Variants in PROX2 observed in about 807,000 individuals in gnomAD.
The protein encoded by PROX2 is prospero homeobox protein 2.
PROX2 carries 46 observed loss-of-function variants against 48.9 expected under a neutral mutation model. That is an observed-to-expected ratio of 0.94 (90% confidence interval 0.74 to 1.20). The LOEUF (loss-of-function observed/expected upper bound fraction) is 1.20. PROX2 is among the 50% of genes most tolerant of loss of function. The probability of loss-of-function intolerance (pLI) is 0.00; values close to 1 mark genes in which losing one functional copy is unlikely to be tolerated. For synonymous variants in PROX2, 260 were observed against 276.6 expected (o/e 0.94, Z 0.60); for missense variants, 663 against 719.4 (o/e 0.92, Z 0.90).
chr14:74,861,287 G>A, intron 3 of PROX2: 1 of 1,213,632 alleles, frequency 8.2e-7, no homozygotes, highest in African/African-American at 1.5e-5. Context: ...AGCAGCGTGA[G>A]CACAGCTAGC....
Position 74,862,594 on chromosome 14 carries a change from G to T in PROX2, c.1241C>A (p.Ser414Ter). 6.2e-7 allele frequency: 1 copy of T among 1,613,818 alleles called. No individual in the cohort carries two copies. Among genetic ancestry groups the T allele is most frequent in the Non-Finnish European group, 8.5e-7 (1 of 1,179,718 alleles). Residue 414 changes from serine (S) to a stop codon, truncating the protein, a stop_gained, in exon 3 of 6, where the codon TCG (serine) becomes TAG (stop). Transcript: ENST00000556489. LOFTEE classifies it high-confidence loss of function. ...CAGGCCTCTCTGTTCCATCTTCACC[G>T]AGGGAAGAAGGGGTAGACTTTCCAG... ...AHLESLPLLP[S>*]VKMEQRGLHA...
chr14:74,856,748 CAT>C (rs1395069662), intron 5 of PROX2, 51 bp downstream of exon 5: 4 of 1,487,504 alleles, frequency 2.7e-6, no homozygotes, highest in Admixed American at 3.6e-5. Context: ...AAACTCGAAT[CAT>C]ATAGGGAAGA....
chr14:74,855,067 T>A lies in PROX2; in HGVS notation c.*65A>T. 1 of 1,246,610 alleles carries A rather than the reference T, an allele frequency of 8.0e-7. No homozygotes were observed. The highest frequency in any genetic ancestry group is 2.9e-5 in the Admixed American group (1 of 34,018). The allele number at this position is 1,246,610 out of a possible 1,614,324, so 77.2% of individuals were successfully genotyped here. ...ATATGACTACAGCTAAATTGCCCTTTAAGACAAACCCAGGAAACCCTAGCC... is the reference window on the plus strand; with the variant it reads ...ATATGACTACAGCTAAATTGCCCTTAAAGACAAACCCAGGAAACCCTAGCC... On this transcript the variant is annotated 3_prime_UTR_variant, in exon 6 of 6. Transcript: ENST00000556489.
chr14:74,856,820 T>C lies in PROX2; in HGVS notation c.1589A>G (p.Asn530Ser). ...TCTTACCTCAAAGTCATTTCCCTTGTTGTAGTGCATATTGAGAGCTTGAAA... is the reference window on the plus strand; with the variant it reads ...TCTTACCTCAAAGTCATTTCCCTTGCTGTAGTGCATATTGAGAGCTTGAAA... ...ELFQALNMHY[N>S]KGNDFEVPDC... Residue 530 changes from asparagine to serine, a missense_variant, in exon 5 of 6, where the codon AAC becomes AGC. Coordinates refer to ENST00000556489, the MANE Select transcript of PROX2 (RefSeq NM_001243007.2). 1 of 1,613,904 alleles carries C rather than the reference T, an allele frequency of 6.2e-7. No individual in the cohort carries two copies. Among genetic ancestry groups the C allele is most frequent in the South Asian group, 1.1e-5 (1 of 91,064 alleles).
chr14:74,868,610 G>A (rs1291685472), intron 2 of PROX2, among the ~76,000 whole-genome samples: 2 of 151,446 alleles, frequency 1.3e-5, no homozygotes, highest in South Asian at 2.1e-4. Flanking sequence ...TGAGGCAGGC[G>A]GATCACGAGG....
intron 1 of PROX2, among the ~76,000 whole-genome samples, chr14:74,872,826 A>T (rs1252677559): frequency 6.6e-6 from 1 of 152,162 alleles, no homozygotes; most frequent in African/African-American, 2.4e-5. Context: ...GACAGAAATG[A>T]GGAGAGGGGG....
chr14:74,868,313 T>TATATA (rs1883117143), intron 2 of PROX2, among the ~76,000 whole-genome samples: 2 of 53,780 alleles, frequency 3.7e-5, no homozygotes, highest in Non-Finnish European at 7.5e-5. Context: ...TTTCTCGTAA[T>TATATA]TATATATATA....
chr14:74,858,538 A>G (rs1336685590), intron 3 of PROX2, 24 bp from the exon 4 acceptor site: 2 of 1,273,698 alleles, frequency 1.6e-6, no homozygotes, highest in Non-Finnish European at 2.2e-6. Context: ...AAGGAAAATG[A>G]ACACTTTAAA....
At position 74,863,587 on chromosome 14, in the gene PROX2, A is replaced by G. The variant is rs1343870298; in HGVS notation, c.248T>C (p.Val83Ala). The change falls in exon 3 of 6, where the codon GTG becomes GCG. Residue 83 changes from valine to alanine, a missense_variant. Physicochemically the swap from Val to Ala is moderately conservative, Grantham distance 64 (BLOSUM62 0). Coordinates refer to ENST00000556489, the MANE Select transcript of PROX2 (RefSeq NM_001243007.2). The stretch of plus-strand genomic sequence containing the variant: ...GACCCCAGCTTGCGCATTGCCTGGC[A>G]CCAGAGGATTCGGGGAGAGACACAT... ...RGMCLSPNPLVPGNAQAGVSP... is the reference protein window; with the variant it reads ...RGMCLSPNPLAPGNAQAGVSP... 1 of 1,611,806 alleles carries G rather than the reference A, an allele frequency of 6.2e-7. No homozygotes were observed. The highest frequency in any genetic ancestry group is 8.5e-7 in the Non-Finnish European group (1 of 1,178,900).
intron 2 of PROX2, among the ~76,000 whole-genome samples, chr14:74,870,441 TACACAC>T (rs10525556): frequency 1.8e-5 from 2 of 110,928 alleles, no homozygotes; most frequent in Non-Finnish European, 3.4e-5. Flanking sequence ...AAAAAAAAAA[TACACAC>T]ACACACACAC....
chr14:74,861,891 C>A (rs552085606), intron 3 of PROX2, among the ~76,000 whole-genome samples: 1 of 152,124 alleles, frequency 6.6e-6, no homozygotes, highest in East Asian at 1.9e-4. Context: ...TTCCTTTGAC[C>A]CTCTCCTCCT....
Position 74,871,126 on chromosome 14 carries a change from G to A in PROX2, c.-198C>T, listed in dbSNP as rs1413351423. ...ACCTGTAGTCTCAGCTACTCAGGAAGCTGAGGTGGGAAGACTGCTTGAGCC... is the reference window on the plus strand; with the variant it reads ...ACCTGTAGTCTCAGCTACTCAGGAAACTGAGGTGGGAAGACTGCTTGAGCC... On this transcript the variant is annotated 5_prime_UTR_variant, in exon 2 of 6. Transcript: ENST00000556489. The A allele has an allele frequency of 6.6e-6, 1 of 152,132 alleles. No homozygotes were observed. Among genetic ancestry groups the A allele is most frequent in the African/African-American group, 2.4e-5 (1 of 41,388 alleles). The allele number at this position is 152,132 out of a possible 1,614,324, so 9.4% of individuals were successfully genotyped here.
intron 1 of PROX2, among the ~76,000 whole-genome samples, chr14:74,875,124 A>G (rs1487132481): frequency 6.6e-6 from 1 of 152,208 alleles, no homozygotes; most frequent in Non-Finnish European, 1.5e-5. Context: ...CAGCCTGGGC[A>G]ACAGAGCAAG....
intron 2 of PROX2, among the ~76,000 whole-genome samples, chr14:74,868,973 T>C (rs117723610): frequency 2.1e-3 from 320 of 152,206 alleles, no homozygotes; most frequent in Non-Finnish European, 3.7e-3. Flanking sequence ...ATCAGTAAAA[T>C]GGGCATAACC....
At position 74,872,181 on chromosome 14, in the gene PROX2, C is replaced by T. The variant is rs780554257; in HGVS notation, c.-309-944G>A. On this transcript the variant is annotated intron_variant, in intron 1 of 5. Coordinates refer to ENST00000556489, the MANE Select transcript of PROX2 (RefSeq NM_001243007.2). ...GAGAGTCCTTAGGTAAAAGGTACCT[C>T]GTGAAGCCCAAGAGATGCTAACTCA... Among the ~76,000 whole-genome samples the T allele has an allele frequency of 2.6e-5, 4 of 152,320 alleles. No homozygotes were observed. The East Asian group carries it at 5.8e-4, about 22-fold the overall frequency.
chr14:74,861,312 C>A, intron 3 of PROX2: 1 of 951,428 alleles, frequency 1.1e-6, no homozygotes, highest in Non-Finnish European at 1.5e-6. Flanking sequence ...AAAGCAACAT[C>A]CAAAATATAT....
chr14:74,857,739 T>TTTG (rs1228068891), intron 4 of PROX2: 1 of 151,718 alleles, frequency 6.6e-6, no homozygotes, highest in Non-Finnish European at 1.5e-5. Context: ...TATATATATT[T>TTTG]TTTGTTGTTT....
At chr14:74,873,907 G>A (rs918323183) in intron 1 of PROX2, 63 of 463,416 alleles carry the variant, frequency 1.4e-4, no homozygotes, top group African/African-American at 1.1e-3. Flanking sequence ...TGAGGAGCAG[G>A]GTTCTGTGTT....
Position 74,862,559 on chromosome 14 carries a change from T to C in PROX2, c.1276A>G (p.Met426Val), listed in dbSNP as rs779674359. 7.4e-6 allele frequency: 12 copies of C among 1,613,694 alleles called. No homozygotes were observed. The highest frequency in any genetic ancestry group is 1.7e-5 in the Admixed American group (1 of 60,002). Residue 426 changes from methionine (M) to valine (V), a missense_variant, in exon 3 of 6, where the codon ATG becomes GTG. Physicochemically the swap from Met to Val is conservative, Grantham distance 21. Coordinates refer to ENST00000556489, the MANE Select transcript of PROX2 (RefSeq NM_001243007.2). Reference sequence around the variant, plus strand: ...ACCAAAGAGAAAGGCAGTGCCTCCATGACAGCATGCAGGCCTCTCTGTTCC... The same window carrying C: ...ACCAAAGAGAAAGGCAGTGCCTCCACGACAGCATGCAGGCCTCTCTGTTCC... ...KMEQRGLHAV[M>V]EALPFSLVHI...
Sources: gnomAD v4.1 joint callset for allele counts (sites outside exome capture counted in the v4.1 genomes callset) on GRCh38, gnomAD v4.1.1 for gene constraint, MANE v1.5 for transcripts, NCBI Gene and HGNC (gene_info 2026-07-23, HGNC 2026-07-21) for gene names.